The following IL6R variants were observed in gnomAD, a reference collection of about 807,000 sequenced individuals.
IL6R encodes the protein interleukin-6 receptor subunit alpha.
In IL6R, 38 loss-of-function variants were observed where a neutral mutation model predicts 48.3. That is an observed-to-expected ratio of 0.79 (90% CI 0.61 to 1.03). IL6R has a LOEUF of 1.03. IL6R is among the 50% of genes least tolerant of loss of function. IL6R has a pLI of 0.00. For synonymous variants in IL6R, 264 were observed against 256.2 expected, an observed-to-expected ratio of 1.03 and a Z score of -0.29; for missense variants, 534 against 618.3, an observed-to-expected ratio of 0.86 and a Z score of 1.45.
intron 8 of IL6R, among the ~76,000 whole-genome samples, chr1:154,452,325 G>T (rs986914724): frequency 6.6e-6 from 1 of 152,104 alleles, no homozygotes; most frequent in East Asian, 1.9e-4. Flanking sequence ...ATCTTTAGAC[G>T]TTGCCTCTCC....
At chr1:154,410,599 G>A (rs1408396091) in intron 1 of IL6R, among the ~76,000 whole-genome samples, 1 of 152,132 alleles carries the variant, frequency 6.6e-6, no homozygotes, top group African/African-American at 2.4e-5. Context: ...CTCTCCTCTT[G>A]CCTGGGATCT....
Position 154,468,560 on chromosome 1 carries a change from G to A in IL6R, c.*3180G>A, listed in dbSNP as rs1035115851. ...ACTCAGAGAGCTCTTGGCCCTGATG[G>A]GGACTTGCCCTTACGCTTTCTTTAT... On this transcript the variant is annotated 3_prime_UTR_variant, in exon 10 of 10. Coordinates refer to ENST00000368485, the MANE Select transcript of IL6R (RefSeq NM_000565.4). 1 of 152,202 alleles carries A rather than the reference G, an allele frequency of 6.6e-6. No individual in the cohort carries two copies. The highest frequency in any genetic ancestry group is 2.4e-5 in the African/African-American group (1 of 41,446). The allele number at this position is 152,202 out of a possible 1,614,324, so 9.4% of individuals were successfully genotyped here. A position where few individuals can be genotyped will look rare whatever the true frequency, so the allele number is the denominator to read the frequency against.
intron 1 of IL6R, among the ~76,000 whole-genome samples, chr1:154,424,996 A>C (rs1688883347): frequency 1.3e-5 from 2 of 152,080 alleles, no homozygotes; most frequent in Non-Finnish European, 2.9e-5. Flanking sequence ...GGGGTACGTG[A>C]CTGGGGGCTG....
chr1:154,420,134 A>G (rs537221304), intron 1 of IL6R, among the ~76,000 whole-genome samples: 2 of 152,272 alleles, frequency 1.3e-5, no homozygotes, highest in African/African-American at 2.4e-5. Flanking sequence ...AGGGAGAAAG[A>G]AGCATTTTTC....
intron 5 of IL6R, among the ~76,000 whole-genome samples, chr1:154,435,680 G>T (rs1689583100): frequency 6.6e-6 from 1 of 152,202 alleles, no homozygotes; most frequent in Non-Finnish European, 1.5e-5. Flanking sequence ...CCTCTTCCCG[G>T]GCTTGTCTGT....
At chr1:154,411,606 G>A (rs1688023775) in intron 1 of IL6R, among the ~76,000 whole-genome samples, 1 of 152,192 alleles carries the variant, frequency 6.6e-6, no homozygotes, top group South Asian at 2.1e-4. Flanking sequence ...AGGTAGCAGA[G>A]AGAAAACAGC....
At chr1:154,432,438 A>G (rs1689345700) in intron 3 of IL6R, among the ~76,000 whole-genome samples, 2 of 150,842 alleles carry the variant, frequency 1.3e-5, no homozygotes, top group Admixed American at 1.3e-4. Context: ...GCTCACTGCA[A>G]TCTCCGCCTC....
In IL6R at chr1:154,469,084, A is replaced by G. The variant is rs935428558; in HGVS notation, c.*3704A>G. ...TGGGCACCAGCACCAGGGAGTTTCT[A>G]TGGCAACCTTAGTGATTATTAAGGA... On this transcript the variant is annotated 3_prime_UTR_variant, in exon 10 of 10. Transcript: ENST00000368485. 7.2e-5 allele frequency: 11 copies of G among 152,224 alleles called. No individual in the cohort carries two copies. The highest frequency in any genetic ancestry group is 2.7e-4 in the African/African-American group (11 of 41,446). The allele number at this position is 152,224 out of a possible 1,614,324, so 9.4% of individuals were successfully genotyped here.
chr1:154,410,497 C>T (rs1011097304), intron 1 of IL6R, among the ~76,000 whole-genome samples: 1 of 152,204 alleles, frequency 6.6e-6, no homozygotes, highest in Non-Finnish European at 1.5e-5. Flanking sequence ...GCAGTTCACC[C>T]GCCTTGGCCT....
intron 1 of IL6R, among the ~76,000 whole-genome samples, chr1:154,426,161 G>GACACACAC (rs372688307): frequency 0.096 from 11,359 of 118,552 alleles, 755 homozygotes; most frequent in Middle Eastern, 0.12. Context: ...CCCTGTATCA[G>GACACACAC]ACACACACAC....
At chr1:154,457,330 AAAAAAAAAAAAAAAG>A (rs1357114036) in intron 9 of IL6R, among the ~76,000 whole-genome samples, 16 of 151,374 alleles carry the variant, frequency 1.1e-4, no homozygotes, top group Admixed American at 8.5e-4. Flanking sequence ...CTCAAAAAAA[AAAAAAAAAAAAAAAG>A]AAAAGAAAAG....
In IL6R at chr1:154,405,875, T is replaced by C. The variant is rs1190310991; in HGVS notation, c.85+161T>C. Among the ~76,000 whole-genome samples the C allele has an allele frequency of 6.6e-6, 1 of 151,950 alleles. No individual in the cohort carries two copies. Among genetic ancestry groups the C allele is most frequent in the Non-Finnish European group, 1.5e-5 (1 of 67,938 alleles). Reference sequence around the variant, plus strand: ...GCCCCGCGGGTACCTAGCTGTGTGGTCGCGGGTAGTGGCTCTTGCGCCCCC... The same window carrying C: ...GCCCCGCGGGTACCTAGCTGTGTGGCCGCGGGTAGTGGCTCTTGCGCCCCC... On this transcript the variant is annotated intron_variant, in intron 1 of 9. Transcript: ENST00000368485. The surrounding 1 kb of genome is among the most constrained non-coding windows in gnomAD (Gnocchi z 5.2).
rs1558292924 is a variant in IL6R at position 154,405,690 on chromosome 1, G to C, written c.61G>C (p.Ala21Pro). 6.6e-7 allele frequency: 1 copy of C among 1,524,200 alleles called. No individual in the cohort carries two copies. The highest frequency in any genetic ancestry group is 2.0e-5 in the Admixed American group (1 of 49,904). 94.4% of individuals were successfully genotyped at this position (1,524,200 alleles called of 1,614,324 possible). The change falls in exon 1 of 10, where the codon GCC (alanine) becomes CCC (proline). Residue 21 changes from alanine to proline, a missense_variant. Physicochemically the swap from Ala to Pro is conservative, Grantham distance 27. Transcript: ENST00000368485. This position sits in a 1 kb window ranked among gnomAD's most constrained non-coding sequence, Gnocchi z 5.2. ...ALLAAPGAAL[A>P]PRRCPAQEVA... ...GCTGGCCGCGCCGGGAGCGGCGCTG[G>C]CCCCAAGGCGCTGCCCTGCGCAGGG...
chr1:154,430,352 T>C (rs1213306067), intron 2 of IL6R, 131 bp from the exon 3 acceptor site: 1 of 1,174,518 alleles, frequency 8.5e-7, no homozygotes, highest in East Asian at 2.5e-5. Context: ...GCCAGGGTCC[T>C]GACTAGCTCC....
At chr1:154,440,883 C>T (rs754032760) in intron 6 of IL6R, among the ~76,000 whole-genome samples, 8 of 152,174 alleles carry the variant, frequency 5.3e-5, no homozygotes, top group Non-Finnish European at 7.3e-5. Context: ...GAACTCCTGA[C>T]CTCAAGTGAT....
intron 6 of IL6R, chr1:154,445,146 C>G (rs1690148093): frequency 4.4e-6 from 2 of 456,016 alleles, no homozygotes; most frequent in Non-Finnish European, 8.8e-6. Context: ...TTATTTGTTT[C>G]TACACGAATA....
chr1:154,406,339 G>T (rs1687718754), intron 1 of IL6R: 1 of 152,358 alleles, frequency 6.6e-6, no homozygotes, highest in Admixed American at 6.5e-5. Context: ...GAATTGAGTC[G>T]GGAGGCTGGC....
intron 1 of IL6R, among the ~76,000 whole-genome samples, chr1:154,427,622 AG>A (rs1175363636): frequency 8.5e-5 from 13 of 152,308 alleles, no homozygotes; most frequent in African/African-American, 2.6e-4. Flanking sequence ...GGAAGTGTGA[AG>A]GGTATCTGTA....
chr1:154,440,378 T>C (rs1689867091), intron 6 of IL6R, among the ~76,000 whole-genome samples: 1 of 152,256 alleles, frequency 6.6e-6, no homozygotes, highest in Non-Finnish European at 1.5e-5. Flanking sequence ...GTAAAATATC[T>C]GTTTAGATTC....
Sources: gnomAD v4.1 joint callset for allele counts (sites outside exome capture counted in the v4.1 genomes callset) on GRCh38, gnomAD v4.1.1 for gene constraint, Gnocchi (gnomAD v3.1) non-coding constraint, MANE v1.5 for transcripts, NCBI Gene and HGNC (gene_info 2026-07-23, HGNC 2026-07-21) for gene names.